The following SUGCT variants were observed in gnomAD, a reference collection of about 807,000 sequenced individuals.
The protein encoded by SUGCT is succinyl-CoA:glutarate-CoA transferase, also known as succinyl-CoA:glutarate CoA-transferase.
Under a neutral mutation model 55.0 loss-of-function variants are expected in SUGCT, and 41 were observed. The observed-to-expected ratio is 0.74, with a 90% CI of 0.58 to 0.97. The LOEUF is 0.97. Among genes scored for constraint, SUGCT ranks in the 50% least tolerant of loss-of-function variants. The pLI is 0.00. For synonymous variants in SUGCT, 187 were observed against 200.4 expected (o/e 0.93, Z 0.56); for missense variants, 568 against 547.8 (o/e 1.04, Z -0.37).
the SUGCT span, among the ~76,000 whole-genome samples, chr7:40,987,248 G>C: frequency 6.6e-6 from 1 of 152,158 alleles, no homozygotes; most frequent in Non-Finnish European, 1.5e-5. Flanking sequence ...GGACTCATCA[G>C]AGATGGACAA....
At chr7:40,148,473 C>T (rs1360229370) in intron 1 of SUGCT, among the ~76,000 whole-genome samples, 1 of 151,946 alleles carries the variant, frequency 6.6e-6, no homozygotes, top group Non-Finnish European at 1.5e-5. Context: ...GGAGAAACCT[C>T]GTCTCTACTA....
chr7:40,168,755 T>A (rs973484768), intron 1 of SUGCT, among the ~76,000 whole-genome samples: 13 of 152,222 alleles, frequency 8.5e-5, no homozygotes, highest in African/African-American at 3.1e-4. Context: ...CTAGCCATCC[T>A]GAGGGGAGGA....
At chr7:40,357,326 T>G (rs1797925611) in intron 9 of SUGCT, among the ~76,000 whole-genome samples, 1 of 152,192 alleles carries the variant, frequency 6.6e-6, no homozygotes, top group African/African-American at 2.4e-5. Flanking sequence ...CTAATTTAAT[T>G]AAAAAAATTC....
At chr7:40,293,971 G>A (rs1344632439) in intron 8 of SUGCT, among the ~76,000 whole-genome samples, 3 of 151,252 alleles carry the variant, frequency 2.0e-5, no homozygotes, top group African/African-American at 7.3e-5. Flanking sequence ...TTTTTGAGTT[G>A]GAGTCTCGCT....
At chr7:40,528,910 C>A (rs1026955678) in intron 12 of SUGCT, among the ~76,000 whole-genome samples, 1 of 152,126 alleles carries the variant, frequency 6.6e-6, no homozygotes. Flanking sequence ...CAAGCAAGCA[C>A]CTTTTGTTTG....
chr7:40,730,827 G>A lies in SUGCT; in HGVS notation c.1090-18607G>A, dbSNP rs188826239. Among the ~76,000 whole-genome samples the A allele has an allele frequency of 6.6e-5, 10 of 152,288 alleles. No individual in the cohort carries two copies. In the East Asian group the frequency reaches 1.9e-3, roughly 29 times the overall value. ...CCTGGCTTATTTTACTTAGGATAAT[G>A]TCCTCCAGATTCATCCATGTTGTTG... On this transcript the variant is annotated intron_variant, in intron 12 of 13. Transcript: ENST00000335693.
chr7:40,411,643 A>G (rs1021150458), intron 9 of SUGCT, among the ~76,000 whole-genome samples: 2 of 152,182 alleles, frequency 1.3e-5, no homozygotes, highest in African/African-American at 2.4e-5. Context: ...GGGACAAACA[A>G]TGATTTATTA....
At chr7:40,391,513 G>C (rs1288136478) in intron 9 of SUGCT, among the ~76,000 whole-genome samples, 1 of 152,186 alleles carries the variant, frequency 6.6e-6, no homozygotes, top group Non-Finnish European at 1.5e-5. Context: ...CATTTATGCA[G>C]CCAACAGACA....
chr7:40,811,144 T>C (rs986629707), intron 13 of SUGCT, among the ~76,000 whole-genome samples: 2 of 152,320 alleles, frequency 1.3e-5, no homozygotes, highest in Middle Eastern at 3.4e-3. Context: ...ACCAATACCA[T>C]GCTGTTTTTG....
intron 12 of SUGCT, among the ~76,000 whole-genome samples, chr7:40,577,698 C>T (rs1013127035): frequency 5.3e-5 from 8 of 152,044 alleles, no homozygotes; most frequent in African/African-American, 1.9e-4. Context: ...ATTTTGGGCT[C>T]CCTCCTTTCT....
chr7:40,672,380 A>G (rs1471695071), intron 12 of SUGCT, among the ~76,000 whole-genome samples: 1 of 152,254 alleles, frequency 6.6e-6, no homozygotes, highest in African/African-American at 2.4e-5. Context: ...AGAATGTAAT[A>G]AGAAGAAACA....
the SUGCT span, among the ~76,000 whole-genome samples, chr7:40,991,020 A>C: frequency 3.8e-3 from 585 of 152,300 alleles, 3 homozygotes; most frequent in African/African-American, 0.013. Flanking sequence ...TTGCATTCAC[A>C]ACTTGACTAA....
chr7:41,029,589 A>G, the SUGCT span, among the ~76,000 whole-genome samples: 1 of 152,182 alleles, frequency 6.6e-6, no homozygotes, highest in Admixed American at 6.5e-5. Context: ...ATTTTTTCCA[A>G]GTAGACTTTA....
At chr7:40,301,457 A>T (rs1489058592) in intron 8 of SUGCT, among the ~76,000 whole-genome samples, 2 of 152,190 alleles carry the variant, frequency 1.3e-5, no homozygotes, top group Non-Finnish European at 2.9e-5. Context: ...TGAAGCGTAA[A>T]CACGTAACAA....
the SUGCT span, among the ~76,000 whole-genome samples, chr7:41,002,935 A>G: frequency 6.6e-6 from 1 of 152,122 alleles, no homozygotes; most frequent in Non-Finnish European, 1.5e-5. Context: ...TGGTATATAA[A>G]GCATCTAGCA....
intron 9 of SUGCT, among the ~76,000 whole-genome samples, chr7:40,396,443 G>A (rs965577935): frequency 6.6e-6 from 1 of 152,142 alleles, no homozygotes; most frequent in Non-Finnish European, 1.5e-5. Flanking sequence ...GCATTTGTAG[G>A]CTGACGAAAC....
chr7:40,257,474 A>T (rs1790886713), intron 7 of SUGCT, among the ~76,000 whole-genome samples: 1 of 152,218 alleles, frequency 6.6e-6, no homozygotes, highest in Non-Finnish European at 1.5e-5. Context: ...AAAACATTTC[A>T]AAGAAATGTT....
intron 5 of SUGCT, among the ~76,000 whole-genome samples, chr7:40,191,748 C>G (rs924096183): frequency 6.6e-6 from 1 of 152,152 alleles, no homozygotes; most frequent in Non-Finnish European, 1.5e-5. Flanking sequence ...ATCTTACTAT[C>G]TAAAGGAAAA....
intron 12 of SUGCT, among the ~76,000 whole-genome samples, chr7:40,606,621 A>G (rs1798548511): frequency 6.6e-6 from 1 of 152,182 alleles, no homozygotes; most frequent in Non-Finnish European, 1.5e-5. Flanking sequence ...GATTTGGGTA[A>G]CATTTTGTCT....
Sources: allele counts gnomAD v4.1 joint callset (sites outside exome capture counted in the v4.1 genomes callset), GRCh38; gene constraint gnomAD v4.1.1; transcripts MANE v1.5; gene names NCBI Gene and HGNC (gene_info 2026-07-23, HGNC 2026-07-21).